The following NRXN3 variants were observed in gnomAD, a reference collection of about 807,000 sequenced individuals.
NRXN3 encodes neurexin III.
In NRXN3, 32 loss-of-function variants were observed where a neutral mutation model predicts 137.6. The ratio of observed to expected loss-of-function variants is 0.23; its 90% CI spans 0.18 to 0.31. The LOEUF (loss-of-function observed/expected upper bound fraction) is 0.31. Ranked by LOEUF, NRXN3 falls within the 10% of genes least tolerant of loss-of-function variation. The probability of loss-of-function intolerance (pLI) is 1.00; values close to 1 mark genes in which losing one functional copy is unlikely to be tolerated. For synonymous variants in NRXN3, 798 were observed against 784.5 expected (o/e 1.02, Z -0.29); for missense variants, 1,574 against 2,062.5 (o/e 0.76, Z 4.59).
At chr14:78,448,100 C>T (rs1598798109) in intron 4 of NRXN3, among the ~76,000 whole-genome samples, 1 of 152,272 alleles carries the variant, frequency 6.6e-6, no homozygotes, top group East Asian at 1.9e-4. Context: ...CCTTCTTTGA[C>T]CTCCCCAACC....
At chr14:79,712,643 G>A (rs1168848811) in intron 19 of NRXN3, among the ~76,000 whole-genome samples, 4 of 152,032 alleles carry the variant, frequency 2.6e-5, no homozygotes, top group Non-Finnish European at 5.9e-5. Context: ...TATCTCGTTA[G>A]CTTATTTTTC....
chr14:79,318,782 C>T (rs2089422859), intron 15 of NRXN3, among the ~76,000 whole-genome samples: 1 of 152,090 alleles, frequency 6.6e-6, no homozygotes, highest in Non-Finnish European at 1.5e-5. Flanking sequence ...CTATTTTTTG[C>T]ATGTTCTTGT....
chr14:78,324,269 A>G (rs1295673573), intron 4 of NRXN3, among the ~76,000 whole-genome samples: 3 of 152,062 alleles, frequency 2.0e-5, no homozygotes, highest in Admixed American at 1.3e-4. Context: ...GCACACTGCA[A>G]AGTGTCTATG....
Position 79,634,308 on chromosome 14 carries a change from AGG to A in NRXN3, c.3445-29468_3445-29467del, listed in dbSNP as rs2098385985. Among the ~76,000 whole-genome samples, 4 of 138,808 alleles carry A rather than the reference AGG, an allele frequency of 2.9e-5. No homozygotes were observed. In the South Asian group the frequency reaches 8.9e-4, roughly 31 times the overall value. 91.1% of individuals were successfully genotyped at this position (138,808 alleles called of 152,430 possible). A position where few individuals can be genotyped will look rare whatever the true frequency, so the allele number is the denominator to read the frequency against. Reference sequence around the variant, plus strand: ...AGTCCAGGAATCATGACAGCAAATGAGGGAGAGAGAGAGAGAGAGAGGAGACA... The same window carrying A: ...AGTCCAGGAATCATGACAGCAAATGAGAGAGAGAGAGAGAGAGAGGAGACA... On this transcript the variant is annotated intron_variant, in intron 16 of 20. Coordinates refer to ENST00000335750, the MANE Select transcript of NRXN3 (RefSeq NM_001330195.2).
chr14:78,650,202 A>G (rs1361481022), intron 5 of NRXN3, among the ~76,000 whole-genome samples: 1 of 151,620 alleles, frequency 6.6e-6, no homozygotes, highest in Non-Finnish European at 1.5e-5. Flanking sequence ...TGTTCAATGC[A>G]TGTAAGTGTG....
At chr14:79,029,000 T>A (rs1532729) in intron 15 of NRXN3, among the ~76,000 whole-genome samples, 86,147 of 151,532 alleles carry the variant, frequency 0.57, 25,792 homozygotes, top group East Asian at 0.81. Context: ...GGGGAAAATG[T>A]CATAGGAAAA....
At chr14:79,214,482 A>G (rs1429043330) in intron 15 of NRXN3, among the ~76,000 whole-genome samples, 5 of 152,218 alleles carry the variant, frequency 3.3e-5, no homozygotes, top group Non-Finnish European at 7.3e-5. Flanking sequence ...GAATGTTCCC[A>G]ACACAAAGAA....
chr14:79,194,618 G>C lies in NRXN3; in HGVS notation c.3262+206477G>C, dbSNP rs1026504963. Among the ~76,000 whole-genome samples the C allele has an allele frequency of 1.4e-4, 21 of 152,340 alleles. 1 individual carries two copies. The highest frequency in any genetic ancestry group is 3.4e-3 in the Middle Eastern group (1 of 294). ...AGCAGTTATGAAGTTTTATTCCTGA[G>C]GTAGGACAGGCAGTCAGACCCAAGA... is the stretch of plus-strand genomic sequence containing the variant. On this transcript the variant is annotated intron_variant, in intron 15 of 20. Transcript: ENST00000335750.
At position 78,927,404 on chromosome 14, in the gene NRXN3, G is replaced by A. The variant is rs1021500581; in HGVS notation, c.2276-29838G>A. The stretch of plus-strand genomic sequence containing the variant: ...TTCCTCAGAGCAGAAAGGAGGGAAT[G>A]TTTTTCCTGCAATTAGAGAGTGCAG... On this transcript the variant is annotated intron_variant, in intron 10 of 20. Transcript: ENST00000335750. 2.0e-5 allele frequency among the ~76,000 whole-genome samples: 3 copies of A among 152,186 alleles called. No individual in the cohort carries two copies. In the East Asian group the frequency reaches 5.8e-4, roughly 30 times the overall value.
rs574098231 is a variant in NRXN3 at position 78,243,726 on chromosome 14, G to T, written c.633G>T (p.Gly211=). 65 of 1,598,306 alleles carry T rather than the reference G, an allele frequency of 4.1e-5. No homozygotes were observed. The highest frequency in any genetic ancestry group is 6.7e-5 in the Admixed American group (4 of 60,020). The part of the protein sequence containing the change: ...PCGERPCENG[G]ICFLLDGHPT... ...GTGAGCGTCCCTGTGAAAATGGTGG[G>T]ATCTGCTTTCTCCTGGACGGCCACC... The change falls in exon 2 of 21, where the codon GGG becomes GGT. Residue 211 remains glycine, a synonymous_variant. Transcript: ENST00000335750. The surrounding 1 kb of genome is among the most constrained non-coding windows in gnomAD (Gnocchi z 4.2).
chr14:79,344,224 C>T (rs997392549), intron 15 of NRXN3, among the ~76,000 whole-genome samples: 2 of 152,140 alleles, frequency 1.3e-5, no homozygotes, highest in Non-Finnish European at 1.5e-5. Context: ...GGTCTGCCAA[C>T]TCCAGATCCT....
chr14:79,159,651 C>G (rs1282015063), intron 15 of NRXN3, among the ~76,000 whole-genome samples: 1 of 151,740 alleles, frequency 6.6e-6, no homozygotes, highest in East Asian at 2.0e-4. Flanking sequence ...GCCATCGTCC[C>G]CACAAACTTT....
chr14:78,516,822 AG>A, intron 4 of NRXN3, among the ~76,000 whole-genome samples: 1 of 152,316 alleles, frequency 6.6e-6, no homozygotes, highest in East Asian at 1.9e-4. Context: ...TTTGAAGAAA[AG>A]AGTTAGCAAA....
At chr14:78,706,622 G>A (rs1341844795) in intron 6 of NRXN3, among the ~76,000 whole-genome samples, 1 of 152,142 alleles carries the variant, frequency 6.6e-6, no homozygotes, top group African/African-American at 2.4e-5. Flanking sequence ...TGTAAAATAA[G>A]GCAATGATTA....
intron 4 of NRXN3, among the ~76,000 whole-genome samples, chr14:78,438,534 G>T (rs1274181702): frequency 1.3e-5 from 2 of 151,582 alleles, no homozygotes; most frequent in Non-Finnish European, 2.9e-5. Context: ...TCTAATAACT[G>T]CCCAATCACA....
At chr14:78,970,585 G>C (rs1049864562) in intron 14 of NRXN3, among the ~76,000 whole-genome samples, 5 of 152,086 alleles carry the variant, frequency 3.3e-5, no homozygotes, top group African/African-American at 4.8e-5. Flanking sequence ...TGGATTAAAA[G>C]GAGGTCTAAG....
chr14:78,487,071 G>C (rs1220129150), intron 4 of NRXN3, among the ~76,000 whole-genome samples: 1 of 152,180 alleles, frequency 6.6e-6, no homozygotes, highest in African/African-American at 2.4e-5. Flanking sequence ...TCCAGTCACT[G>C]CTATGGTCTG....
intron 4 of NRXN3, chr14:78,615,057 T>C (rs57416351): frequency 0.1 from 46,483 of 456,530 alleles, 3,028 homozygotes; most frequent in African/African-American, 0.23. Context: ...CGTATTTCCA[T>C]GGTTAGATTA....
chr14:78,917,991 A>G (rs2099260472), intron 10 of NRXN3, among the ~76,000 whole-genome samples: 1 of 150,392 alleles, frequency 6.6e-6, no homozygotes, highest in African/African-American at 2.4e-5. Context: ...AAAAAATGAA[A>G]AAAAAAAAAA....
Sources: allele counts gnomAD v4.1 joint callset (sites outside exome capture counted in the v4.1 genomes callset), GRCh38; gene constraint gnomAD v4.1.1; non-coding constraint Gnocchi (gnomAD v3.1); transcripts MANE v1.5; gene names NCBI Gene and HGNC (gene_info 2026-07-23, HGNC 2026-07-21).